The following AASDHPPT variants were observed in gnomAD, a reference collection of about 807,000 sequenced individuals.
AASDHPPT encodes the protein L-aminoadipate-semialdehyde dehydrogenase-phosphopantetheinyl transferase.
Under a neutral mutation model 36.4 loss-of-function variants are expected in AASDHPPT, and 23 were observed. That is an observed-to-expected ratio of 0.63 (90% CI 0.45 to 0.89). The LOEUF (loss-of-function observed/expected upper bound fraction) is 0.89. AASDHPPT is among the 40% of genes least tolerant of loss of function. The pLI is 0.00. For missense variants in AASDHPPT, 377 were observed against 378.2 expected (o/e 1.00, Z 0.03); for synonymous variants, 115 against 128.0 (o/e 0.90, Z 0.68).
chr11:106,097,201 A>C lies in AASDHPPT; in HGVS notation c.*294A>C, dbSNP rs1016842745. ...AAAATGCACATAAGCAAAAGGAAACATTTAAATGCTATCTTTCAAAGATAA... is the reference window on the plus strand; with the variant it reads ...AAAATGCACATAAGCAAAAGGAAACCTTTAAATGCTATCTTTCAAAGATAA... On this transcript the variant is annotated 3_prime_UTR_variant, in exon 6 of 6. Coordinates refer to ENST00000278618, the MANE Select transcript of AASDHPPT (RefSeq NM_015423.3). 5 of 228,796 alleles carry C rather than the reference A, an allele frequency of 2.2e-5. No individual in the cohort carries two copies. The highest frequency in any genetic ancestry group is 1.1e-4 in the African/African-American group (5 of 43,762). The allele number at this position is 228,796 out of a possible 1,614,324, so 14.2% of individuals were successfully genotyped here. A position where few individuals can be genotyped will look rare whatever the true frequency, so the allele number is the denominator to read the frequency against.
intron 2 of AASDHPPT, among the ~76,000 whole-genome samples, chr11:106,080,589 G>A (rs1352737225): frequency 6.6e-6 from 1 of 152,078 alleles, no homozygotes; most frequent in Non-Finnish European, 1.5e-5. Flanking sequence ...ACTTAACCAC[G>A]TGTCATGGCA....
At chr11:106,085,579 T>A (rs1171464619) in intron 2 of AASDHPPT, among the ~76,000 whole-genome samples, 1 of 152,162 alleles carries the variant, frequency 6.6e-6, no homozygotes. Context: ...AAGGTTAATG[T>A]TGTTAAGATA....
intron 2 of AASDHPPT, among the ~76,000 whole-genome samples, chr11:106,082,586 A>T (rs1367608745): frequency 3.3e-5 from 5 of 152,062 alleles, no homozygotes; most frequent in Non-Finnish European, 7.4e-5. Flanking sequence ...TCCACTAGGA[A>T]CTCAGAGAGT....
chr11:106,089,414 A>T (rs981420657), intron 2 of AASDHPPT: 1 of 152,060 alleles, frequency 6.6e-6, no homozygotes, highest in Non-Finnish European at 1.5e-5. Context: ...TTTCTGGAAA[A>T]TAATGTAATA....
In AASDHPPT at chr11:106,098,395, C is replaced by T. The variant is rs1026826891; in HGVS notation, c.*1488C>T. 2.6e-5 allele frequency: 4 copies of T among 152,000 alleles called. No individual in the cohort carries two copies. The highest frequency in any genetic ancestry group is 4.4e-5 in the Non-Finnish European group (3 of 67,954). The allele number at this position is 152,000 out of a possible 1,614,324, so 9.4% of individuals were successfully genotyped here. ...AAAAATCTATTATGTGGTTGTAGTGCATGTCTTGGAGTTAAACTCTTAAGT... is the reference window on the plus strand; with the variant it reads ...AAAAATCTATTATGTGGTTGTAGTGTATGTCTTGGAGTTAAACTCTTAAGT... On this transcript the variant is annotated 3_prime_UTR_variant, in exon 6 of 6. Transcript: ENST00000278618.
At chr11:106,078,453 C>T (rs1177694616) in intron 1 of AASDHPPT, among the ~76,000 whole-genome samples, 1 of 152,114 alleles carries the variant, frequency 6.6e-6, no homozygotes, top group Non-Finnish European at 1.5e-5. Flanking sequence ...CAGTATTTTA[C>T]GTAGATTTAT....
chr11:106,086,258 T>G (rs1369427891), intron 2 of AASDHPPT: 1 of 152,200 alleles, frequency 6.6e-6, no homozygotes, highest in East Asian at 1.9e-4. Flanking sequence ...CCTTCCTTGC[T>G]TCTTCCTAGT....
At chr11:106,091,293 G>T in intron 3 of AASDHPPT, 23 bp from the exon 4 acceptor site, 2 of 1,566,216 alleles carry the variant, frequency 1.3e-6, no homozygotes, top group South Asian at 1.2e-5. Context: ...AATTCTAAGA[G>T]AAAATGTCTT....
chr11:106,079,612 C>G lies in AASDHPPT; in HGVS notation c.329C>G (p.Ser110Cys). ...NPYPNFNFNI[S>C]HQGDYAVLAA... ...TACCCGAATTTCAACTTTAACATCT[C>G]TCATCAAGGAGACTATGCAGTGCTT... Residue 110 changes from serine (S) to cysteine (C), a missense_variant, in exon 2 of 6, where the codon TCT (serine) becomes TGT (cysteine). Physicochemically the swap from Ser to Cys is moderately radical, Grantham distance 112. Transcript: ENST00000278618. 1 of 1,614,178 alleles carries G rather than the reference C, an allele frequency of 6.2e-7. No individual in the cohort carries two copies. Among genetic ancestry groups the G allele is most frequent in the Non-Finnish European group, 8.5e-7 (1 of 1,180,016 alleles).
intron 2 of AASDHPPT, among the ~76,000 whole-genome samples, chr11:106,085,686 A>G (rs1441542491): frequency 1.3e-5 from 2 of 152,246 alleles, no homozygotes; most frequent in African/African-American, 4.8e-5. Context: ...AAGAAGATAC[A>G]CATTTAACCA....
intron 3 of AASDHPPT, 55 bp from the exon 4 acceptor site, chr11:106,091,261 T>C (rs1861254013): frequency 6.7e-6 from 10 of 1,498,252 alleles, no homozygotes; most frequent in Non-Finnish European, 9.0e-6. Flanking sequence ...CTGTAGATTC[T>C]ATGAAAAATT....
rs776930791 is a variant in AASDHPPT at position 106,077,688 on chromosome 11, G to A, written c.-23G>A. 2 of 1,603,630 alleles carry A rather than the reference G, an allele frequency of 1.2e-6. No homozygotes were observed. The highest frequency in any genetic ancestry group is 2.7e-5 in the African/African-American group (2 of 74,646). ...CGTCCGCGCCATCAGGCCCGAGATAGCGGCGAGGTCCGCTTTCAGTGTATG... is the reference window on the plus strand; with the variant it reads ...CGTCCGCGCCATCAGGCCCGAGATAACGGCGAGGTCCGCTTTCAGTGTATG... On this transcript the variant is annotated 5_prime_UTR_variant, in exon 1 of 6. Coordinates refer to ENST00000278618, the MANE Select transcript of AASDHPPT (RefSeq NM_015423.3).
At chr11:106,083,408 G>A (rs1861164188) in intron 2 of AASDHPPT, among the ~76,000 whole-genome samples, 1 of 152,120 alleles carries the variant, frequency 6.6e-6, no homozygotes, top group South Asian at 2.1e-4. Flanking sequence ...ACAGTATATG[G>A]CCTCTCAGTA....
chr11:106,092,864 T>C (rs114130294), intron 4 of AASDHPPT: 60 of 152,312 alleles, frequency 3.9e-4, no homozygotes, highest in African/African-American at 1.4e-3. Flanking sequence ...TAGGCTGATA[T>C]AAGTATTCTG....
chr11:106,091,575 AACTG>A, intron 4 of AASDHPPT, 98 bp downstream of exon 4: 1 of 1,216,288 alleles, frequency 8.2e-7, no homozygotes, highest in Non-Finnish European at 1.1e-6. Flanking sequence ...ATTTGGACGC[AACTG>A]AATCCAGTCC....
At chr11:106,086,923 T>TAA (rs1314941017) in intron 2 of AASDHPPT, among the ~76,000 whole-genome samples, 1 of 152,182 alleles carries the variant, frequency 6.6e-6, no homozygotes, top group Non-Finnish European at 1.5e-5. Flanking sequence ...AGCCTGAAAA[T>TAA]AAAAGGCTTC....
intron 5 of AASDHPPT, among the ~76,000 whole-genome samples, chr11:106,096,102 C>T (rs1387170735): frequency 1.3e-5 from 2 of 151,984 alleles, no homozygotes; most frequent in South Asian, 2.1e-4. Context: ...TTAAGATAAC[C>T]GTATCACAAC....
chr11:106,092,579 C>T (rs1422599388), intron 4 of AASDHPPT: 2 of 151,916 alleles, frequency 1.3e-5, no homozygotes, highest in African/African-American at 2.4e-5. Flanking sequence ...TATATTGAAT[C>T]TATGAAGAGA....
chr11:106,096,573 G>C, intron 5 of AASDHPPT, 170 bp from the exon 6 acceptor site: 1 of 448,770 alleles, frequency 2.2e-6, no homozygotes, highest in Non-Finnish European at 3.7e-6. Flanking sequence ...TTTTTGATTT[G>C]TTGTATTGGC....
Sources: allele counts gnomAD v4.1 joint callset (sites outside exome capture counted in the v4.1 genomes callset), GRCh38; gene constraint gnomAD v4.1.1; transcripts MANE v1.5; gene names NCBI Gene and HGNC (gene_info 2026-07-23, HGNC 2026-07-21).